TPO: variants seen among roughly 807,000 people sequenced by gnomAD.
The protein encoded by TPO is thyroid microsomal antigen.
TPO carries 78 observed loss-of-function variants against 96.9 expected under a neutral mutation model. That is an observed-to-expected ratio of 0.81 (90% CI 0.67 to 0.97). The LOEUF (loss-of-function observed/expected upper bound fraction) is 0.97. Among genes scored for constraint, TPO ranks in the 50% least tolerant of loss-of-function variants. The pLI, the probability that TPO is intolerant of heterozygous loss-of-function variation, is 0.00. For synonymous variants in TPO, 547 were observed against 538.0 expected (o/e 1.02, Z -0.23); for missense variants, 1,252 against 1,274.8 (o/e 0.98, Z 0.27).
chr2:1,389,509 C>A (rs1199486544), intron 1 of TPO, among the ~76,000 whole-genome samples: 2 of 152,014 alleles, frequency 1.3e-5, no homozygotes, highest in African/African-American at 4.8e-5. Context: ...ACACTACTTT[C>A]CTCATCAGAT....
chr2:1,539,332 T>C (rs1283576822), intron 15 of TPO, among the ~76,000 whole-genome samples: 2 of 152,170 alleles, frequency 1.3e-5, no homozygotes, highest in Non-Finnish European at 2.9e-5. Context: ...TATCCCACTT[T>C]ACGAATGAGA....
intron 5 of TPO, among the ~76,000 whole-genome samples, chr2:1,449,367 C>T (rs947735495): frequency 2.6e-5 from 4 of 152,138 alleles, no homozygotes; most frequent in Admixed American, 6.6e-5. Context: ...AATTCACATT[C>T]GTAGTCACCT....
chr2:1,387,847 A>G (rs931905032), intron 1 of TPO, among the ~76,000 whole-genome samples: 3 of 151,964 alleles, frequency 2.0e-5, no homozygotes, highest in African/African-American at 7.3e-5. Context: ...GGTTTTATCT[A>G]CCTTTGGTCT....
chr2:1,397,206 A>C (rs1662095152), intron 1 of TPO, among the ~76,000 whole-genome samples: 1 of 152,218 alleles, frequency 6.6e-6, no homozygotes, highest in South Asian at 2.1e-4. Context: ...GAAAAAATCC[A>C]GTTCTGTTTA....
Position 1,496,115 on chromosome 2 carries a change from C to T in TPO, c.2133C>T (p.Val711=), listed in dbSNP as rs377151900. 29 of 1,613,990 alleles carry T rather than the reference C, an allele frequency of 1.8e-5. No individual in the cohort carries two copies. In the African/African-American group the frequency reaches 2.3e-4, roughly 13 times the overall value. Residue 711 remains valine, a synonymous_variant, in exon 12 of 17, where the codon GTC becomes GTT. Coordinates refer to ENST00000329066, the MANE Select transcript of TPO (RefSeq NM_001206744.2). ...GGGTGCCCATGGATGCCTTCCAAGT[C>T]GGCAAATTCCCCGAAGACTTTGAGT... ...LTRVPMDAFQ[V]GKFPEDFESC... is the part of the protein sequence containing the mutation.
chr2:1,405,453 A>G (rs906270666), intron 1 of TPO, among the ~76,000 whole-genome samples: 6 of 150,498 alleles, frequency 4.0e-5, no homozygotes, highest in East Asian at 2.0e-4. Flanking sequence ...CTACTCATCT[A>G]TCCATCCACT....
At chr2:1,538,975 T>G (rs1680403933) in intron 15 of TPO, among the ~76,000 whole-genome samples, 2 of 152,112 alleles carry the variant, frequency 1.3e-5, no homozygotes, top group African/African-American at 4.8e-5. Context: ...CCTTCTCCCC[T>G]GCGTGTCTGT....
At chr2:1,473,693 T>G (rs1206941244) in intron 7 of TPO, among the ~76,000 whole-genome samples, 1 of 152,194 alleles carries the variant, frequency 6.6e-6, no homozygotes, top group Non-Finnish European at 1.5e-5. Context: ...TGTTTTATGA[T>G]TTTCTTTTTG....
chr2:1,442,795 T>C (rs1666323143), intron 5 of TPO, among the ~76,000 whole-genome samples: 1 of 152,202 alleles, frequency 6.6e-6, no homozygotes, highest in Non-Finnish European at 1.5e-5. Flanking sequence ...GAGGCTGAAG[T>C]GAGACAATGC....
intron 15 of TPO, among the ~76,000 whole-genome samples, chr2:1,534,056 G>A (rs1416621091): frequency 4.5e-5 from 3 of 66,004 alleles, no homozygotes; most frequent in African/African-American, 1.7e-4. Context: ...CCACCACTGT[G>A]TTCAACCTCC....
intron 7 of TPO, among the ~76,000 whole-genome samples, chr2:1,467,806 C>T (rs1172787552): frequency 1.3e-5 from 2 of 151,482 alleles, no homozygotes; most frequent in African/African-American, 2.4e-5. Flanking sequence ...CCCACTATTA[C>T]TGTGTTGCTG....
chr2:1,399,663 C>A (rs971087833), intron 1 of TPO, among the ~76,000 whole-genome samples: 1 of 152,224 alleles, frequency 6.6e-6, no homozygotes, highest in African/African-American at 2.4e-5. Context: ...CTGTTGCCCA[C>A]CCTTTCCATC....
intron 3 of TPO, among the ~76,000 whole-genome samples, chr2:1,423,616 C>A (rs950714015): frequency 6.6e-6 from 1 of 151,964 alleles, no homozygotes; most frequent in East Asian, 1.9e-4. Context: ...CTCATATTAC[C>A]TGTCTAGAAA....
At chr2:1,404,107 C>T (rs987169130) in intron 1 of TPO, among the ~76,000 whole-genome samples, 2 of 152,198 alleles carry the variant, frequency 1.3e-5, no homozygotes, top group African/African-American at 2.4e-5. Context: ...AGGTAAAACC[C>T]GTGTTGTATG....
chr2:1,385,017 T>C (rs1314253846), intron 1 of TPO, among the ~76,000 whole-genome samples: 2 of 152,240 alleles, frequency 1.3e-5, no homozygotes, highest in Admixed American at 6.5e-5. Flanking sequence ...ATTACGTTTA[T>C]TGATTTGCGT....
chr2:1,464,095 C>T (rs11675388), intron 7 of TPO, among the ~76,000 whole-genome samples: 20,383 of 152,114 alleles, frequency 0.13, 1,704 homozygotes, highest in East Asian at 0.28. Flanking sequence ...GTCATTCTTA[C>T]GCCTTTACAT....
chr2:1,535,129 T>C (rs1573636953), intron 15 of TPO, among the ~76,000 whole-genome samples: 9 of 23,870 alleles, frequency 3.8e-4, no homozygotes, highest in South Asian at 1.5e-3. Context: ...ATCCCCCCAC[T>C]CTGTGCAACC....
intron 5 of TPO, among the ~76,000 whole-genome samples, chr2:1,449,333 C>CT (rs1299967468): frequency 6.6e-6 from 1 of 152,170 alleles, no homozygotes; most frequent in Non-Finnish European, 1.5e-5. Context: ...CAGCTATTTT[C>CT]TTTTTTTCTA....
intron 1 of TPO, among the ~76,000 whole-genome samples, chr2:1,376,807 G>A (rs947905116): frequency 2.0e-5 from 3 of 152,202 alleles, no homozygotes; most frequent in African/African-American, 7.2e-5. Flanking sequence ...ACAGAATGAT[G>A]TTGTTTTAAA....
Sources: allele counts gnomAD v4.1 joint callset (sites outside exome capture counted in the v4.1 genomes callset), GRCh38; gene constraint gnomAD v4.1.1; transcripts MANE v1.5; gene names NCBI Gene and HGNC (gene_info 2026-07-23, HGNC 2026-07-21).